Variants in SGCD observed in about 807,000 individuals in gnomAD.
SGCD encodes sarcoglycan delta.
A neutral mutation model predicts 36.6 loss-of-function variants in SGCD; 18 were observed. That is an observed-to-expected ratio of 0.49 (90% confidence interval 0.34 to 0.73). The LOEUF (loss-of-function observed/expected upper bound fraction) is 0.73. SGCD is among the 30% of genes least tolerant of loss of function. SGCD has a pLI of 0.01. For missense variants in SGCD, 387 were observed against 346.7 expected (o/e 1.12, Z -0.92); for synonymous variants, 133 against 130.6 (o/e 1.02, Z -0.12).
intron 3 of SGCD, among the ~76,000 whole-genome samples, chr5:156,399,476 T>C (rs1280335396): frequency 6.6e-6 from 1 of 152,220 alleles, no homozygotes; most frequent in Non-Finnish European, 1.5e-5. Flanking sequence ...TCTGTGAGGA[T>C]ATCCAGTGTG....
intron 3 of SGCD, among the ~76,000 whole-genome samples, chr5:156,269,469 C>CAAAAAAAAAAAAAAAAA (rs60893052): frequency 3.3e-5 from 1 of 30,466 alleles, no homozygotes; most frequent in African/African-American, 1.2e-4. Flanking sequence ...GACTCCGTCT[C>CAAAAAAAAAAAAAAAAA]AAAAAAAAAA....
chr5:156,082,737 T>C (rs1350113516), intron 1 of SGCD, among the ~76,000 whole-genome samples: 2 of 152,240 alleles, frequency 1.3e-5, no homozygotes, highest in African/African-American at 4.8e-5. Flanking sequence ...TTTATTTCTC[T>C]GAAATACATC....
At chr5:156,390,317 GCTCCTGAAGAT>G (rs1459031616) in intron 3 of SGCD, among the ~76,000 whole-genome samples, 1 of 152,182 alleles carries the variant, frequency 6.6e-6, no homozygotes, top group Non-Finnish European at 1.5e-5. Context: ...ACACATTATT[GCTCCTGAAGAT>G]CTTCCAGTGG....
chr5:156,378,053 G>T (rs1770765143), intron 3 of SGCD, among the ~76,000 whole-genome samples: 1 of 152,150 alleles, frequency 6.6e-6, no homozygotes, highest in Non-Finnish European at 1.5e-5. Context: ...GTTCACTAGT[G>T]TTCATCGTAG....
the SGCD span, among the ~76,000 whole-genome samples, chr5:155,807,960 C>A: frequency 6.6e-6 from 1 of 152,106 alleles, no homozygotes; most frequent in African/African-American, 2.4e-5. Context: ...TGAAATAGTA[C>A]CTTATAGTAG....
chr5:156,592,820 C>G (rs1013026514), intron 5 of SGCD, among the ~76,000 whole-genome samples: 1 of 152,144 alleles, frequency 6.6e-6, no homozygotes. Flanking sequence ...GGGAGCCTTT[C>G]CAATGTCCTT....
intron 1 of SGCD, among the ~76,000 whole-genome samples, chr5:156,079,636 G>A (rs61079397): frequency 0.018 from 2,817 of 152,294 alleles, 80 homozygotes; most frequent in African/African-American, 0.064. Context: ...GTTCAAAACC[G>A]GGGATGGCAG....
At chr5:156,283,454 G>A (rs1766510985) in intron 3 of SGCD, among the ~76,000 whole-genome samples, 1 of 151,972 alleles carries the variant, frequency 6.6e-6, no homozygotes, top group Admixed American at 6.6e-5. Context: ...ATTCTTTATA[G>A]TATTTTTTTC....
At chr5:156,128,030 A>G (rs1762223030) in intron 3 of SGCD, among the ~76,000 whole-genome samples, 1 of 152,132 alleles carries the variant, frequency 6.6e-6, no homozygotes, top group Admixed American at 6.6e-5. Context: ...TCATCAAAAA[A>G]TACCACCAAG....
At chr5:155,909,806 C>T (rs1237082200) in intron 1 of SGCD, among the ~76,000 whole-genome samples, 2 of 151,986 alleles carry the variant, frequency 1.3e-5, no homozygotes, top group East Asian at 1.9e-4. Context: ...AACAGCTTAA[C>T]AGATGAAGAC....
Position 155,971,197 on chromosome 5 carries a change from AG to A in SGCD, c.-282+100774del, listed in dbSNP as rs540725622. Among the ~76,000 whole-genome samples, 610 of 152,318 alleles carry A rather than the reference AG, an allele frequency of 4.0e-3. 4 individuals carry two copies. Among genetic ancestry groups the A allele is most frequent in the Non-Finnish European group, 6.2e-3 (421 of 68,008 alleles). On this transcript the variant is annotated intron_variant, in intron 1 of 9. Transcript: ENST00000517913. Reference sequence around the variant, plus strand: ...TGGTTTTTATAACTTCTATAGTGAAAGAAAGTAAGGGAGGAGACTTGGAAGT... The same window carrying A: ...TGGTTTTTATAACTTCTATAGTGAAAAAAGTAAGGGAGGAGACTTGGAAGT...
chr5:156,752,427 C>T (rs1038611196), intron 7 of SGCD, among the ~76,000 whole-genome samples: 1 of 152,178 alleles, frequency 6.6e-6, no homozygotes, highest in African/African-American at 2.4e-5. Flanking sequence ...GAGTCTTGCT[C>T]TGTCTCCCAG....
chr5:156,414,551 G>A (rs972121313), intron 3 of SGCD, among the ~76,000 whole-genome samples: 1 of 152,166 alleles, frequency 6.6e-6, no homozygotes, highest in Non-Finnish European at 1.5e-5. Flanking sequence ...AGACCATATG[G>A]TATCTGTTGC....
intron 3 of SGCD, among the ~76,000 whole-genome samples, chr5:156,415,399 A>G (rs557937004): frequency 5.1e-4 from 77 of 152,266 alleles, no homozygotes; most frequent in African/African-American, 1.7e-3. Context: ...TCTATTTTGT[A>G]TGATTATTTA....
At chr5:156,522,887 T>C (rs551579623) in intron 4 of SGCD, among the ~76,000 whole-genome samples, 37 of 152,238 alleles carry the variant, frequency 2.4e-4, no homozygotes, top group African/African-American at 8.9e-4. Context: ...TTTATCAAAG[T>C]TGAGAAATAT....
At chr5:156,436,644 A>G (rs919008637) in intron 3 of SGCD, among the ~76,000 whole-genome samples, 1 of 152,202 alleles carries the variant, frequency 6.6e-6, no homozygotes, top group Non-Finnish European at 1.5e-5. Flanking sequence ...CAGAATCCAC[A>G]TTTCCGTGTG....
At chr5:156,685,968 C>T (rs77611325) in intron 7 of SGCD, among the ~76,000 whole-genome samples, 2,379 of 152,248 alleles carry the variant, frequency 0.016, 28 homozygotes, top group Non-Finnish European at 0.025. Context: ...CCACTGGGTA[C>T]TAGACTTATC....
intron 6 of SGCD, among the ~76,000 whole-genome samples, chr5:156,646,207 G>A (rs569515167): frequency 6.6e-6 from 1 of 152,288 alleles, no homozygotes; most frequent in African/African-American, 2.4e-5. Context: ...AGTGGGAGTT[G>A]AGGGAGCATG....
chr5:156,594,393 A>G (rs555278978), intron 5 of SGCD, among the ~76,000 whole-genome samples: 10 of 152,194 alleles, frequency 6.6e-5, no homozygotes, highest in South Asian at 2.1e-4. Flanking sequence ...GCAATTAATT[A>G]CAGTAACCAT....
Sources: allele counts gnomAD v4.1 joint callset (sites outside exome capture counted in the v4.1 genomes callset), GRCh38; gene constraint gnomAD v4.1.1; transcripts MANE v1.5; gene names NCBI Gene and HGNC (gene_info 2026-07-23, HGNC 2026-07-21).